The following ROBO2 variants were observed in gnomAD, a reference collection of about 807,000 sequenced individuals.
The protein encoded by ROBO2 is roundabout guidance receptor 2.
In ROBO2, 53 loss-of-function variants were observed where a neutral mutation model predicts 160.8. The observed-to-expected ratio is 0.33, with a 90% CI of 0.26 to 0.41. The LOEUF is 0.41. Among genes scored for constraint, ROBO2 ranks in the 10% least tolerant of loss-of-function variants. The pLI, the probability that ROBO2 is intolerant of heterozygous loss-of-function variation, is 1.00. For synonymous variants in ROBO2, 664 were observed against 611.7 expected, an observed-to-expected ratio of 1.09 and a Z score of -1.26; for missense variants, 1,577 against 1,722.4, an observed-to-expected ratio of 0.92 and a Z score of 1.49.
chr3:77,121,007 C>T (rs578227797), intron 2 of ROBO2, among the ~76,000 whole-genome samples: 10 of 151,994 alleles, frequency 6.6e-5, no homozygotes, highest in African/African-American at 2.2e-4. Context: ...TACTGTGGCG[C>T]GATCTGGGCT....
chr3:77,316,947 GA>G, intron 2 of ROBO2: 1 of 1,328,966 alleles, frequency 7.5e-7, no homozygotes, highest in Admixed American at 1.7e-5. Flanking sequence ...CTGCTGTTCC[GA>G]AGCGCGTGTT....
chr3:77,014,507 C>T (rs907470943), intron 2 of ROBO2, among the ~76,000 whole-genome samples: 1 of 152,170 alleles, frequency 6.6e-6, no homozygotes, highest in Non-Finnish European at 1.5e-5. Flanking sequence ...CCGATCCCAG[C>T]AGTTTTCACA....
intron 2 of ROBO2, among the ~76,000 whole-genome samples, chr3:76,330,438 T>C (rs1159775636): frequency 1.3e-5 from 2 of 152,226 alleles, no homozygotes; most frequent in Non-Finnish European, 2.9e-5. Flanking sequence ...ATTTTTATTT[T>C]TGCTCTTCTT....
chr3:77,072,048 C>G (rs1313595642), intron 1 of ROBO2, among the ~76,000 whole-genome samples: 1 of 152,110 alleles, frequency 6.6e-6, no homozygotes, highest in Non-Finnish European at 1.5e-5. Flanking sequence ...AGCCTCTCCC[C>G]CTCGTTCGCA....
exon 25 of ROBO2, chr3:77,644,708 G>A: frequency 6.2e-7 from 1 of 1,613,824 alleles, no homozygotes; most frequent in Non-Finnish European, 8.5e-7. Flanking sequence ...TTTCAGAGGA[G>A]GCCTTGGTGC....
At chr3:76,453,732 C>A (rs1161891730) in intron 2 of ROBO2, among the ~76,000 whole-genome samples, 1 of 152,082 alleles carries the variant, frequency 6.6e-6, no homozygotes, top group Non-Finnish European at 1.5e-5. Flanking sequence ...CAATTAGGCA[C>A]CTTTGTATTT....
intron 2 of ROBO2, among the ~76,000 whole-genome samples, chr3:77,155,333 A>G (rs977721789): frequency 6.6e-6 from 1 of 152,082 alleles, no homozygotes; most frequent in Non-Finnish European, 1.5e-5. Flanking sequence ...GGGCTCAGTG[A>G]AATCAGAGAG....
intron 2 of ROBO2, among the ~76,000 whole-genome samples, chr3:76,475,982 A>T (rs2107201343): frequency 6.6e-6 from 1 of 152,174 alleles, no homozygotes; most frequent in Non-Finnish European, 1.5e-5. Flanking sequence ...GTGTAACCCC[A>T]TCCCTACTAA....
At chr3:77,296,992 T>G (rs763303458) in intron 2 of ROBO2, among the ~76,000 whole-genome samples, 2 of 152,122 alleles carry the variant, frequency 1.3e-5, no homozygotes, top group Non-Finnish European at 2.9e-5. Context: ...TACCTTTAAA[T>G]GGACAGGATT....
At chr3:76,226,993 A>G (rs1263190749) in intron 2 of ROBO2, among the ~76,000 whole-genome samples, 1 of 152,216 alleles carries the variant, frequency 6.6e-6, no homozygotes, top group Non-Finnish European at 1.5e-5. Flanking sequence ...AGCCTCCAGG[A>G]ACAAGAAGAG....
Position 76,938,084 on chromosome 3 carries a change from G to A in ROBO2, c.110-159930G>A, listed in dbSNP as rs115916672. Among the ~76,000 whole-genome samples, 393 of 152,300 alleles carry A rather than the reference G, an allele frequency of 2.6e-3. 2 individuals carry two copies. The highest frequency in any genetic ancestry group is 8.8e-3 in the African/African-American group (365 of 41,574). On this transcript the variant is annotated intron_variant, in intron 2 of 26. Coordinates refer to the ROBO2 transcript ENST00000487694. ...CACCTGGCAACTAGTCAGTAATCAA[G>A]AAAACATTTCTTTCTATAAGGCTGG...
chr3:77,375,576 C>T (rs1369660144), intron 2 of ROBO2, among the ~76,000 whole-genome samples: 1 of 152,078 alleles, frequency 6.6e-6, no homozygotes, highest in East Asian at 1.9e-4. Flanking sequence ...TAAAGTTTAA[C>T]CCTTTAGACT....
chr3:76,340,396 CATA>C (rs1030314624), intron 2 of ROBO2, among the ~76,000 whole-genome samples: 5 of 152,072 alleles, frequency 3.3e-5, no homozygotes, highest in African/African-American at 1.2e-4. Flanking sequence ...TTGTCTTGGG[CATA>C]ATATTTTAGC....
At chr3:76,508,319 A>C (rs1426704906) in intron 2 of ROBO2, among the ~76,000 whole-genome samples, 2 of 152,108 alleles carry the variant, frequency 1.3e-5, no homozygotes, top group Admixed American at 6.5e-5. Context: ...TCTTTTAACC[A>C]TTGGCAACAT....
At position 76,284,592 on chromosome 3, in the gene ROBO2, A is replaced by C. The variant is rs151328704; in HGVS notation, c.109+346990A>C. Reference sequence around the variant, plus strand: ...CTTCTCTCAGTGTGCAATAACATTCAGGTCTGATTTCATACTATTTTTCAA... The same window carrying C: ...CTTCTCTCAGTGTGCAATAACATTCCGGTCTGATTTCATACTATTTTTCAA... On this transcript the variant is annotated intron_variant, in intron 2 of 26. Coordinates refer to the ROBO2 transcript ENST00000487694. Among the ~76,000 whole-genome samples the C allele has an allele frequency of 2.2e-3, 341 of 152,228 alleles. 2 individuals carry two copies. Among genetic ancestry groups the C allele is most frequent in the Admixed American group, 6.6e-3 (101 of 15,262 alleles).
chr3:77,471,826 G>A (rs1467987063), intron 2 of ROBO2, among the ~76,000 whole-genome samples: 1 of 152,154 alleles, frequency 6.6e-6, no homozygotes, highest in African/African-American at 2.4e-5. Flanking sequence ...TTTTTTTGAG[G>A]AGATGAATGG....
chr3:76,415,278 C>T (rs2075707944), intron 2 of ROBO2, among the ~76,000 whole-genome samples: 1 of 152,078 alleles, frequency 6.6e-6, no homozygotes, highest in Non-Finnish European at 1.5e-5. Flanking sequence ...TTGCAAGCAT[C>T]CAAAGCCTTG....
intron 2 of ROBO2, among the ~76,000 whole-genome samples, chr3:76,112,070 C>T (rs1368804129): frequency 4.6e-5 from 7 of 152,112 alleles, no homozygotes. Flanking sequence ...CACCAGTGGC[C>T]TCCCCTTCTA....
intron 2 of ROBO2, among the ~76,000 whole-genome samples, chr3:76,801,818 T>A (rs1193512478): frequency 6.6e-6 from 1 of 152,210 alleles, no homozygotes; most frequent in Non-Finnish European, 1.5e-5. Context: ...TAATCATTTT[T>A]AACTTTTGAT....
Sources: gnomAD v4.1 joint callset for allele counts (sites outside exome capture counted in the v4.1 genomes callset) on GRCh38, gnomAD v4.1.1 for gene constraint, MANE v1.5 for transcripts, NCBI Gene and HGNC (gene_info 2026-07-23, HGNC 2026-07-21) for gene names.